The following C3 variants were observed in gnomAD, a reference collection of about 807,000 sequenced individuals.
C3 encodes the protein complement C3.
Under a neutral mutation model 207.9 loss-of-function variants are expected in C3, and 97 were observed. The observed-to-expected ratio is 0.47, with a 90% CI of 0.40 to 0.55. The LOEUF (loss-of-function observed/expected upper bound fraction) is 0.55, where lower values mean the gene tolerates loss of function less well. Among genes scored for constraint, C3 ranks in the 20% least tolerant of loss-of-function variants. C3 has a pLI of 0.00. For synonymous variants in C3, 848 were observed against 857.6 expected, an observed-to-expected ratio of 0.99 and a Z score of 0.20; for missense variants, 1,684 against 2,171.7, an observed-to-expected ratio of 0.78 and a Z score of 4.46.
At chr19:6,693,690 G>C (rs1374247587) in intron 24 of C3, among the ~76,000 whole-genome samples, 1 of 151,352 alleles carries the variant, frequency 6.6e-6, no homozygotes, top group Non-Finnish European at 1.5e-5. Context: ...AAGAGGACAA[G>C]GGATTCAGAG....
At position 6,718,298 on chromosome 19, in the gene C3, C is replaced by T. The variant is rs1968086495; in HGVS notation, c.382G>A (p.Gly128Arg). The T allele has an allele frequency of 6.2e-7, 1 of 1,614,224 alleles. No individual in the cohort carries two copies. The highest frequency in any genetic ancestry group is 8.5e-7 in the Non-Finnish European group (1 of 1,180,044). ...TTGTCTGTCTGGATGAAGAGGTACC[C>T]GCTCTGCAGGCTGACCAGCACCACC... ...EKVVLVSLQS[G>R]YLFIQTDKTI... is the part of the protein sequence containing the mutation. Residue 128 changes from glycine to arginine, a missense_variant, in exon 3 of 41, where the codon GGG becomes AGG. Physicochemically the swap from Gly to Arg is moderately radical, Grantham distance 125. This residue lies in a region of C3 where 1,280 missense variants were observed against 1,739.1 expected (regional missense o/e 0.74). Transcript: ENST00000245907.
rs1456164403 is a variant in C3 at position 6,715,656 on chromosome 19, C to T, written c.505-1210G>A. On this transcript the variant is annotated intron_variant, in intron 4 of 40. Coordinates refer to ENST00000245907, the MANE Select transcript of C3 (RefSeq NM_000064.4). Reference sequence around the variant, plus strand: ...TTTTTTTTTGAGACGGAGTCTTGCTCTGTCGCCCAGGCTGGAGTGTAATGG... The same window carrying T: ...TTTTTTTTTGAGACGGAGTCTTGCTTTGTCGCCCAGGCTGGAGTGTAATGG... Among the ~76,000 whole-genome samples the T allele has an allele frequency of 1.1e-3, 160 of 142,664 alleles. 1 individual carries two copies. The highest frequency in any genetic ancestry group is 3.9e-3 in the African/African-American group (153 of 39,140). 93.6% of individuals were successfully genotyped at this position (142,664 alleles called of 152,430 possible).
At chr19:6,691,003 T>A (rs765768386) in intron 26 of C3, among the ~76,000 whole-genome samples, 1 of 151,936 alleles carries the variant, frequency 6.6e-6, no homozygotes, top group Admixed American at 6.6e-5. Flanking sequence ...ACAGAGCTTT[T>A]GTCTAGTAGG....
At position 6,719,567 on chromosome 19, in the gene C3, T is replaced by C. The variant is rs111930671; in HGVS notation, c.75-164A>G. On this transcript the variant is annotated intron_variant, in intron 1 of 40. Transcript: ENST00000245907. This position sits in a 1 kb window ranked among gnomAD's most constrained non-coding sequence, Gnocchi z 5.4. Reference sequence around the variant, plus strand: ...CAATGCCATTATCTTCTCTGGGCACTGCCACCGTCTCAACCACATGGGCAG... The same window carrying C: ...CAATGCCATTATCTTCTCTGGGCACCGCCACCGTCTCAACCACATGGGCAG... Among the ~76,000 whole-genome samples, 453 of 152,188 alleles carry C rather than the reference T, an allele frequency of 3.0e-3. 3 individuals carry two copies. Among genetic ancestry groups the C allele is most frequent in the African/African-American group, 0.01 (425 of 41,498 alleles).
intron 36 of C3, 92 bp downstream of exon 36, chr19:6,680,066 A>T (rs1917821487): frequency 2.5e-6 from 2 of 794,094 alleles, no homozygotes; most frequent in Non-Finnish European, 4.6e-6. Context: ...GACTCCTTAG[A>T]CCTTCATTCT....
At position 6,711,187 on chromosome 19, in the gene C3, T is replaced by G. The variant is rs1459379117; in HGVS notation, c.1279A>C (p.Lys427Gln). 1 of 1,612,690 alleles carries G rather than the reference T, an allele frequency of 6.2e-7. No individual in the cohort carries two copies. The highest frequency in any genetic ancestry group is 8.5e-7 in the Non-Finnish European group (1 of 1,179,956). ...QKPLSITVRTKKQELSEAEQA... is the reference protein window; with the variant it reads ...QKPLSITVRTQKQELSEAEQA... ...TCTGCCTCCGAGAGCTCCTGCTTCT[T>G]CGTGCGCACCTGGGTGGGGAAAGAG... The change falls in exon 12 of 41, where the codon AAG becomes CAG. Residue 427 changes from lysine (K) to glutamine (Q), a missense_variant. Lys to Gln is a moderately conservative substitution (Grantham distance 53, BLOSUM62 1). Coordinates refer to ENST00000245907, the MANE Select transcript of C3 (RefSeq NM_000064.4).
chr19:6,678,604 T>C, intron 38 of C3, 149 bp from the exon 39 acceptor site: 2 of 682,768 alleles, frequency 2.9e-6, no homozygotes, highest in South Asian at 3.4e-5. Context: ...CACCCCTCAT[T>C]ACACACACAA....
chr19:6,697,238 A>G, intron 21 of C3, 106 bp downstream of exon 21: 4 of 860,100 alleles, frequency 4.7e-6, no homozygotes, highest in Non-Finnish European at 7.7e-6. Flanking sequence ...GCTGGACACT[A>G]TGATTCTTAG....
chr19:6,713,375 G>C, intron 8 of C3, 32 bp downstream of exon 8: 1 of 1,613,778 alleles, frequency 6.2e-7, no homozygotes, highest in Non-Finnish European at 8.5e-7. Flanking sequence ...GGGGACTGGG[G>C]CAGGGATCAA....
chr19:6,679,277 G>T, intron 37 of C3, 69 bp from the exon 38 acceptor site: 1 of 1,496,258 alleles, frequency 6.7e-7, no homozygotes, highest in Non-Finnish European at 9.3e-7. Flanking sequence ...CATGGGTGTG[G>T]CCAGCCCTGG....
Position 6,696,661 on chromosome 19 carries a change from T to C in C3, c.2797-2A>G. ...TTTGTTCATTCTGATTCCTTCCGGC[T>C]ACGCAGTGTTAGAGGTGGGGGGAGT... On this transcript the variant is annotated splice_acceptor_variant, in intron 21 of 40. Coordinates refer to ENST00000245907, the MANE Select transcript of C3 (RefSeq NM_000064.4). LOFTEE classifies it high-confidence loss of function. 1 of 1,613,856 alleles carries C rather than the reference T, an allele frequency of 6.2e-7. No homozygotes were observed.
chr19:6,687,559 T>C (rs1057216400), intron 27 of C3, among the ~76,000 whole-genome samples: 1 of 152,162 alleles, frequency 6.6e-6, no homozygotes, highest in African/African-American at 2.4e-5. Context: ...GGGGAAGACA[T>C]GATTTGTACT....
At chr19:6,687,763 T>C (rs1295668898) in intron 27 of C3, among the ~76,000 whole-genome samples, 1 of 152,052 alleles carries the variant, frequency 6.6e-6, no homozygotes, top group Non-Finnish European at 1.5e-5. Flanking sequence ...AAGCGATGAG[T>C]TTGAGTGTTT....
At chr19:6,715,608 GT>G (rs1322178794) in intron 4 of C3, among the ~76,000 whole-genome samples, 17 of 144,654 alleles carry the variant, frequency 1.2e-4, no homozygotes, top group African/African-American at 1.8e-4. Context: ...ATAAAAATCT[GT>G]TTTTTTTTTG....
intron 24 of C3, 66 bp downstream of exon 24, chr19:6,694,365 G>T: frequency 2.1e-6 from 3 of 1,428,916 alleles, no homozygotes; most frequent in South Asian, 1.1e-5. Context: ...GATGAGGTGG[G>T]ATCTTAGGGG....
intron 23 of C3, 35 bp from the exon 24 acceptor site, chr19:6,694,669 AGGT>A: frequency 6.3e-7 from 1 of 1,596,142 alleles, no homozygotes; most frequent in South Asian, 1.1e-5. Context: ...TGCTCAAGCC[AGGT>A]GGGTGACCCA....
In C3 at chr19:6,711,131, G is replaced by A. The variant is rs1967914694; in HGVS notation, c.1335C>T (p.Pro445=). The change falls in exon 12 of 41, where the codon CCC becomes CCT. Residue 445 remains proline (P), a synonymous_variant. Transcript: ENST00000245907. ...TGTTGGAGTTGCCCACGGTGCTGTA[G>A]GGCAGAGCCTGCATGGTCCTGGTAG... ...EQATRTMQAL[P]YSTVGNSNNY... The A allele has an allele frequency of 6.2e-7, 1 of 1,614,098 alleles. No homozygotes were observed. The highest frequency in any genetic ancestry group is 1.1e-5 in the South Asian group (1 of 91,088).
At chr19:6,678,346 A>G in intron 39 of C3, 26 bp downstream of exon 39, 1 of 1,614,142 alleles carries the variant, frequency 6.2e-7, no homozygotes, top group Non-Finnish European at 8.5e-7. Flanking sequence ...GGGAAGAGCC[A>G]CGGGAGGCAG....
chr19:6,693,034 C>T lies in C3; in HGVS notation c.3280G>A (p.Ala1094Thr). The change falls in exon 26 of 41, where the codon GCC becomes ACC. Residue 1094 changes from alanine to threonine, a missense_variant. This residue lies in a region of C3 where 1,280 missense variants were observed against 1,739.1 expected (regional missense o/e 0.74). Coordinates refer to ENST00000245907, the MANE Select transcript of C3 (RefSeq NM_000064.4). ...CCGCAGAGGACTTGGGAGTCGATGG[C>T]GATGAGGTTGACAGCCAGAGAGAAG... ...KVFSLAVNLI[A>T]IDSQVLCGAV... is the part of the protein sequence containing the mutation. The T allele has an allele frequency of 6.2e-7, 1 of 1,614,118 alleles. No individual in the cohort carries two copies. Among genetic ancestry groups the T allele is most frequent in the Non-Finnish European group, 8.5e-7 (1 of 1,180,014 alleles).
Sources: gnomAD v4.1 joint callset for allele counts (sites outside exome capture counted in the v4.1 genomes callset) on GRCh38, gnomAD v4.1.1 for gene constraint, gnomAD v4.1.1 regional missense constraint, Gnocchi (gnomAD v3.1) non-coding constraint, MANE v1.5 for transcripts, NCBI Gene and HGNC (gene_info 2026-07-23, HGNC 2026-07-21) for gene names.